The following EXOC6B variants were observed in gnomAD, a reference collection of about 807,000 sequenced individuals.
The protein encoded by EXOC6B is SEC15 homolog B.
In EXOC6B, 54 loss-of-function variants were observed where a neutral mutation model predicts 113.5. The observed-to-expected ratio is 0.48, with a 90% CI of 0.38 to 0.60. The LOEUF (loss-of-function observed/expected upper bound fraction) is 0.60, where lower values mean the gene tolerates loss of function less well. EXOC6B is among the 20% of genes least tolerant of loss of function. The pLI is 0.00. For synonymous variants in EXOC6B, 357 were observed against 339.0 expected (o/e 1.05, Z -0.58); for missense variants, 797 against 977.5 (o/e 0.82, Z 2.46).
chr2:72,354,486 G>T (rs1689856747), intron 19 of EXOC6B, among the ~76,000 whole-genome samples: 1 of 152,162 alleles, frequency 6.6e-6, no homozygotes, highest in Admixed American at 6.5e-5. Context: ...GGCATCTTAG[G>T]CCACGATAAG....
chr2:72,410,868 C>G (rs1337325042), intron 18 of EXOC6B, among the ~76,000 whole-genome samples: 1 of 152,034 alleles, frequency 6.6e-6, no homozygotes, highest in Non-Finnish European at 1.5e-5. Context: ...TTCTAGTAGT[C>G]AAGGAATTTT....
At chr2:72,301,686 G>T (rs1428287898) in intron 20 of EXOC6B, among the ~76,000 whole-genome samples, 3 of 152,116 alleles carry the variant, frequency 2.0e-5, no homozygotes, top group East Asian at 3.9e-4. Flanking sequence ...TGGGGTCAGG[G>T]GTAACATCCC....
intron 17 of EXOC6B, among the ~76,000 whole-genome samples, chr2:72,470,506 T>C (rs1043122363): frequency 2.6e-5 from 4 of 152,090 alleles, no homozygotes; most frequent in Non-Finnish European, 5.9e-5. Flanking sequence ...TTAGGGTACA[T>C]TGCACAACGC....
At chr2:72,542,753 A>T (rs1260807684) in intron 8 of EXOC6B, among the ~76,000 whole-genome samples, 1 of 152,206 alleles carries the variant, frequency 6.6e-6, no homozygotes, top group East Asian at 1.9e-4. Context: ...CTCTGGCTGT[A>T]GTTATTTATG....
chr2:72,376,814 A>C (rs1038217607), intron 19 of EXOC6B, among the ~76,000 whole-genome samples: 4 of 152,196 alleles, frequency 2.6e-5, no homozygotes, highest in Admixed American at 2.0e-4. Context: ...TTTTTGCTGT[A>C]AAACTGTGTA....
rs1473155677 is a variant in EXOC6B at position 72,178,457 on chromosome 2, G to C, written c.*878C>G. 3.3e-5 allele frequency: 5 copies of C among 152,242 alleles called. No individual in the cohort carries two copies. Among genetic ancestry groups the C allele is most frequent in the Non-Finnish European group, 5.9e-5 (4 of 68,050 alleles). 9.4% of individuals were successfully genotyped at this position (152,242 alleles called of 1,614,324 possible). A position where few individuals can be genotyped will look rare whatever the true frequency, so the allele number is the denominator to read the frequency against. On this transcript the variant is annotated 3_prime_UTR_variant, in exon 22 of 22. Transcript: ENST00000272427. ...GAGGAGGCTAAGTCTGAAACGCCCTGTGAAGGCCTATGGAAGTAACTGTTG... is the reference window on the plus strand; with the variant it reads ...GAGGAGGCTAAGTCTGAAACGCCCTCTGAAGGCCTATGGAAGTAACTGTTG...
chr2:72,731,086 T>A, intron 4 of EXOC6B, 34 bp from the exon 5 acceptor site: 1 of 1,564,586 alleles, frequency 6.4e-7, no homozygotes, highest in Non-Finnish European at 8.7e-7. Flanking sequence ...CAAACATGAT[T>A]TAGAGAAAGC....
intron 18 of EXOC6B, among the ~76,000 whole-genome samples, chr2:72,449,775 T>C (rs1236513239): frequency 2.0e-5 from 3 of 152,170 alleles, no homozygotes; most frequent in Admixed American, 6.5e-5. Flanking sequence ...TAATTCCTCC[T>C]ATATGGTTCC....
intron 6 of EXOC6B, among the ~76,000 whole-genome samples, chr2:72,594,247 T>C (rs923923753): frequency 1.3e-5 from 2 of 152,172 alleles, no homozygotes; most frequent in African/African-American, 4.8e-5. Context: ...CTTCCCAAAA[T>C]GTTGGGATTA....
chr2:72,238,187 C>T (rs1331559745), intron 20 of EXOC6B, among the ~76,000 whole-genome samples: 1 of 152,194 alleles, frequency 6.6e-6, no homozygotes, highest in Non-Finnish European at 1.5e-5. Flanking sequence ...GTGCTTGCTT[C>T]CTTCACTTAA....
At chr2:72,295,155 C>T (rs181028713) in intron 20 of EXOC6B, among the ~76,000 whole-genome samples, 5 of 148,894 alleles carry the variant, frequency 3.4e-5, no homozygotes, top group African/African-American at 1.2e-4. Context: ...CGCTTGAACC[C>T]GGGAGGTGGA....
chr2:72,681,461 C>G (rs1011389369), intron 6 of EXOC6B, among the ~76,000 whole-genome samples: 1 of 151,992 alleles, frequency 6.6e-6, no homozygotes, highest in African/African-American at 2.4e-5. Context: ...GCTCTGAATC[C>G]CAACACAAAA....
At chr2:72,721,107 T>C (rs1475066874) in intron 5 of EXOC6B, among the ~76,000 whole-genome samples, 1 of 152,000 alleles carries the variant, frequency 6.6e-6, no homozygotes, top group African/African-American at 2.4e-5. Flanking sequence ...GGCAGGCAGA[T>C]CACTTGCGGT....
At chr2:72,690,087 GA>G (rs1677373740) in intron 6 of EXOC6B, among the ~76,000 whole-genome samples, 1 of 152,150 alleles carries the variant, frequency 6.6e-6, no homozygotes, top group African/African-American at 2.4e-5. Context: ...TTCTGCCTAT[GA>G]GGCTATGAGG....
intron 8 of EXOC6B, among the ~76,000 whole-genome samples, chr2:72,552,455 A>G (rs544422903): frequency 2.0e-5 from 3 of 152,160 alleles, no homozygotes; most frequent in Non-Finnish European, 4.4e-5. Flanking sequence ...CAAGGAACAG[A>G]TAACTCTTAT....
At chr2:72,409,014 T>G (rs2105211739) in intron 18 of EXOC6B, among the ~76,000 whole-genome samples, 1 of 151,942 alleles carries the variant, frequency 6.6e-6, no homozygotes, top group East Asian at 1.9e-4. Flanking sequence ...TCAAACAAAT[T>G]TACAAGAAAA....
intron 5 of EXOC6B, among the ~76,000 whole-genome samples, chr2:72,718,828 G>A (rs1394888701): frequency 4.6e-5 from 7 of 152,124 alleles, no homozygotes; most frequent in South Asian, 2.1e-4. Context: ...CCTAGAGGAC[G>A]AAGTGAGACT....
intron 6 of EXOC6B, among the ~76,000 whole-genome samples, chr2:72,624,518 A>G (rs1671933999): frequency 6.6e-6 from 1 of 152,198 alleles, no homozygotes; most frequent in South Asian, 2.1e-4. Flanking sequence ...AGACAAGAGG[A>G]TCATTTGAGA....
intron 19 of EXOC6B, among the ~76,000 whole-genome samples, chr2:72,374,716 C>T (rs1260001632): frequency 6.6e-6 from 1 of 151,266 alleles, no homozygotes; most frequent in East Asian, 1.9e-4. Context: ...ATGATAAATG[C>T]TTAAGGAGAC....
Sources: allele counts gnomAD v4.1 joint callset (sites outside exome capture counted in the v4.1 genomes callset), GRCh38; gene constraint gnomAD v4.1.1; transcripts MANE v1.5; gene names NCBI Gene and HGNC (gene_info 2026-07-23, HGNC 2026-07-21).